Variants in UBAP1 observed in about 807,000 individuals in gnomAD.
UBAP1 encodes ubiquitin associated protein 1.
Under a neutral mutation model 39.0 loss-of-function variants are expected in UBAP1, and 5 were observed. The ratio of observed to expected loss-of-function variants is 0.13; its 90% confidence interval spans 0.07 to 0.27. The LOEUF is 0.27. UBAP1 is among the 10% of genes least tolerant of loss of function. The probability of loss-of-function intolerance (pLI) is 1.00; values close to 1 mark genes in which losing one functional copy is unlikely to be tolerated. For synonymous variants in UBAP1, 211 were observed against 225.1 expected (o/e 0.94, Z 0.56); for missense variants, 490 against 608.1 (o/e 0.81, Z 2.04).
intron 1 of UBAP1, among the ~76,000 whole-genome samples, chr9:34,193,203 AG>A (rs1475099237): frequency 6.6e-6 from 1 of 151,950 alleles, no homozygotes; most frequent in Admixed American, 6.6e-5. Flanking sequence ...CCAGTTACTC[AG>A]GGGGGCTGAG....
At chr9:34,247,459 G>A (rs1292278849) in intron 4 of UBAP1, among the ~76,000 whole-genome samples, 1 of 151,834 alleles carries the variant, frequency 6.6e-6, no homozygotes, top group Non-Finnish European at 1.5e-5. Context: ...GTGTCTCGCT[G>A]TGTCAACCAG....
At chr9:34,199,229 A>G (rs1328616442) in intron 1 of UBAP1, among the ~76,000 whole-genome samples, 4 of 151,966 alleles carry the variant, frequency 2.6e-5, no homozygotes, top group Non-Finnish European at 5.9e-5. Flanking sequence ...GCACACCACC[A>G]CGCCCAGCTA....
At chr9:34,182,245 C>T (rs180737866) in intron 1 of UBAP1, among the ~76,000 whole-genome samples, 1,664 of 149,450 alleles carry the variant, frequency 0.011, 51 homozygotes, top group Non-Finnish European at 0.015. Flanking sequence ...AGTGCTGTGG[C>T]GTGATCTCAG....
intron 1 of UBAP1, among the ~76,000 whole-genome samples, chr9:34,219,724 TCCCCTC>T (rs1168894350): frequency 4.5e-5 from 1 of 22,334 alleles, no homozygotes; most frequent in African/African-American, 1.9e-4. Flanking sequence ...TCCCTTCCCC[TCCCCTC>T]CCCCTCCCCC....
intron 1 of UBAP1, among the ~76,000 whole-genome samples, chr9:34,192,077 C>G (rs1006218189): frequency 3.3e-5 from 5 of 151,178 alleles, no homozygotes; most frequent in African/African-American, 1.2e-4. Flanking sequence ...TTCCTGACCT[C>G]AAGTGATCGT....
At chr9:34,229,684 C>T (rs532247519) in intron 2 of UBAP1, among the ~76,000 whole-genome samples, 12 of 150,828 alleles carry the variant, frequency 8.0e-5, no homozygotes, top group Admixed American at 2.7e-4. Context: ...ATTACAGGAA[C>T]GTGCTACCAC....
intron 1 of UBAP1, among the ~76,000 whole-genome samples, chr9:34,202,190 C>T (rs897118543): frequency 9.9e-5 from 15 of 152,062 alleles, no homozygotes; most frequent in African/African-American, 2.9e-4. Flanking sequence ...TTTTGAGACA[C>T]GCTTTCACTC....
At chr9:34,215,958 GA>G (rs538221501) in intron 1 of UBAP1, among the ~76,000 whole-genome samples, 39 of 151,714 alleles carry the variant, frequency 2.6e-4, no homozygotes, top group African/African-American at 7.2e-4. Flanking sequence ...TATAATATGG[GA>G]AAAAAATATT....
chr9:34,222,259 G>A (rs1448456986), intron 2 of UBAP1, among the ~76,000 whole-genome samples: 1 of 152,120 alleles, frequency 6.6e-6, no homozygotes, highest in Non-Finnish European at 1.5e-5. Flanking sequence ...GTGGTGTAGC[G>A]GTGATTGTGA....
intron 2 of UBAP1, among the ~76,000 whole-genome samples, chr9:34,230,624 A>G (rs1000502545): frequency 6.6e-6 from 1 of 152,210 alleles, no homozygotes; most frequent in Admixed American, 6.6e-5. Context: ...CTTTTGTTCT[A>G]ATCTTTTAAA....
chr9:34,208,639 G>A (rs1051152767), intron 1 of UBAP1, among the ~76,000 whole-genome samples: 2 of 151,960 alleles, frequency 1.3e-5, no homozygotes, highest in South Asian at 4.2e-4. Context: ...TTAGCCGGAC[G>A]TGGTGGCGGG....
At chr9:34,231,115 T>C (rs1467159484) in intron 2 of UBAP1, among the ~76,000 whole-genome samples, 2 of 145,608 alleles carry the variant, frequency 1.4e-5, no homozygotes, top group African/African-American at 5.3e-5. Context: ...CAAATGTCTC[T>C]TTAAAAAAAT....
chr9:34,198,186 G>A (rs1831169142), intron 1 of UBAP1, among the ~76,000 whole-genome samples: 1 of 152,226 alleles, frequency 6.6e-6, no homozygotes, highest in Admixed American at 6.5e-5. Flanking sequence ...TCTGTGACTT[G>A]GGAGGGCTGC....
chr9:34,180,494 C>T (rs28514451), intron 1 of UBAP1, among the ~76,000 whole-genome samples: 4,591 of 147,656 alleles, frequency 0.031, 234 homozygotes, highest in African/African-American at 0.11. Flanking sequence ...GGCAACAGAG[C>T]GAGACTCCGA....
At chr9:34,193,488 TG>T (rs1166093927) in intron 1 of UBAP1, among the ~76,000 whole-genome samples, 1 of 151,968 alleles carries the variant, frequency 6.6e-6, no homozygotes, top group African/African-American at 2.4e-5. Flanking sequence ...CAATTCAGGT[TG>T]GGGGCTCAGT....
At chr9:34,183,093 T>C (rs1030530035) in intron 1 of UBAP1, among the ~76,000 whole-genome samples, 1 of 152,128 alleles carries the variant, frequency 6.6e-6, no homozygotes, top group Non-Finnish European at 1.5e-5. Context: ...TCTTTAGTTA[T>C]GTTATTGAAT....
intron 4 of UBAP1, among the ~76,000 whole-genome samples, chr9:34,246,102 T>TTTA (rs1338117116): frequency 6.6e-6 from 1 of 152,106 alleles, no homozygotes; most frequent in Non-Finnish European, 1.5e-5. Flanking sequence ...ATTTTTATTA[T>TTTA]TTTTTTTGAG....
intron 3 of UBAP1, among the ~76,000 whole-genome samples, chr9:34,238,667 A>C (rs1426187417): frequency 6.6e-6 from 1 of 151,998 alleles, no homozygotes. Flanking sequence ...GTGTATGGAG[A>C]CTTTATTGGG....
At chr9:34,182,735 TC>T (rs1325334167) in intron 1 of UBAP1, among the ~76,000 whole-genome samples, 1 of 149,476 alleles carries the variant, frequency 6.7e-6, no homozygotes, top group Admixed American at 6.8e-5. Context: ...CTCCTTTCTT[TC>T]TTTTCACTCA....
Sources: allele counts gnomAD v4.1 joint callset (sites outside exome capture counted in the v4.1 genomes callset), GRCh38; gene constraint gnomAD v4.1.1; transcripts MANE v1.5; gene names NCBI Gene and HGNC (gene_info 2026-07-23, HGNC 2026-07-21).